The following XPO6 variants were observed in gnomAD, a reference collection of about 807,000 sequenced individuals.
The protein encoded by XPO6 is exportin-6.
Under a neutral mutation model 130.0 loss-of-function variants are expected in XPO6, and 3 were observed. That is an observed-to-expected ratio of 0.02 (90% CI 0.01 to 0.06). The LOEUF (loss-of-function observed/expected upper bound fraction) is 0.06, where lower values mean the gene tolerates loss of function less well. XPO6 is among the 10% of genes least tolerant of loss of function. The probability of loss-of-function intolerance (pLI) is 1.00; values close to 1 mark genes in which losing one functional copy is unlikely to be tolerated. For missense variants in XPO6, 970 were observed against 1,393.0 expected, an observed-to-expected ratio of 0.70 and a Z score of 4.83; for synonymous variants, 524 against 548.9, an observed-to-expected ratio of 0.95 and a Z score of 0.63.
chr16:28,156,679 C>T, intron 6 of XPO6, 152 bp from the exon 7 acceptor site: 1 of 463,850 alleles, frequency 2.2e-6, no homozygotes, highest in Non-Finnish European at 3.5e-6. Flanking sequence ...TCTATATGCT[C>T]AAAGTTAAAC....
At position 28,121,782 on chromosome 16, in the gene XPO6, T is replaced by G. The variant is rs201507990; in HGVS notation, c.1767-20A>C. 1,054 of 1,545,386 alleles carry G rather than the reference T, an allele frequency of 6.8e-4. No homozygotes were observed. The highest frequency in any genetic ancestry group is 9.1e-4 in the Non-Finnish European group (1,022 of 1,118,078). ...ACCAACCTGTTGGCAAAGAGGCAGG[T>G]AAACAAGAACATTCAGCTTATGAAC... On this transcript the variant is annotated intron_variant, in intron 13 of 23. Coordinates refer to ENST00000304658, the MANE Select transcript of XPO6 (RefSeq NM_015171.4).
rs1039247715 is a variant in XPO6, at chr16:28,111,712, C to A, written c.2341+105G>T. The stretch of plus-strand genomic sequence containing the variant: ...TGCTCAGCCTCTGTGGGACTATGAA[C>A]AAAAAAAATTTACCTCAGGAGCCTC... On this transcript the variant is annotated intron_variant, in intron 17 of 23. Transcript: ENST00000304658. 6.7e-6 allele frequency: 9 copies of A among 1,352,362 alleles called. No individual in the cohort carries two copies. The African/African-American group carries it at 1.0e-4, about 15-fold the overall frequency. The allele number at this position is 1,352,362 out of a possible 1,614,324, so 83.8% of individuals were successfully genotyped here. A position where few individuals can be genotyped will look rare whatever the true frequency, so the allele number is the denominator to read the frequency against.
chr16:28,166,428 G>A (rs1300953339), intron 6 of XPO6, 80 bp downstream of exon 6: 1 of 1,470,186 alleles, frequency 6.8e-7, no homozygotes, highest in African/African-American at 1.4e-5. Context: ...TCAGTACTGA[G>A]GACTACAGTT....
intron 1 of XPO6, among the ~76,000 whole-genome samples, chr16:28,206,391 A>T (rs1364118837): frequency 6.6e-6 from 1 of 151,966 alleles, no homozygotes; most frequent in East Asian, 1.9e-4. Context: ...AAATAAAAAT[A>T]AAAAAATTAG....
At chr16:28,117,200 G>T in intron 15 of XPO6, 118 bp downstream of exon 15, 3 of 1,323,760 alleles carry the variant, frequency 2.3e-6, no homozygotes, top group Non-Finnish European at 3.1e-6. Context: ...ATGTATAACA[G>T]CAGAAAGATT....
chr16:28,163,972 C>T (rs532128192), intron 6 of XPO6, among the ~76,000 whole-genome samples: 264 of 152,230 alleles, frequency 1.7e-3, no homozygotes, highest in South Asian at 5.4e-3. Context: ...GTTAAGGTAA[C>T]AATTTGGGGG....
At position 28,104,533 on chromosome 16, in the gene XPO6, G is replaced by GC. The variant is rs780949864; in HGVS notation, c.2946+12dup. 1 of 1,613,700 alleles carries GC rather than the reference G, an allele frequency of 6.2e-7. No individual in the cohort carries two copies. Among genetic ancestry groups the GC allele is most frequent in the South Asian group, 1.1e-5 (1 of 91,058 alleles). The stretch of plus-strand genomic sequence containing the variant: ...GAGGAAGTCACCTGGCAGCAACCCC[G>GC]CCCCCACGTTACCTGCATGATGGCA... On this transcript the variant is annotated intron_variant, in intron 21 of 23. Coordinates refer to ENST00000304658, the MANE Select transcript of XPO6 (RefSeq NM_015171.4).
At chr16:28,134,035 A>T (rs901662775) in intron 10 of XPO6, 102 bp from the exon 11 acceptor site, 12 of 1,167,060 alleles carry the variant, frequency 1.0e-5, no homozygotes, top group African/African-American at 1.5e-5. Context: ...GAAATGGAAA[A>T]TGATGGAACC....
At position 28,195,551 on chromosome 16, in the gene XPO6, G is replaced by A. The variant is rs888651802; in HGVS notation, c.4-14520C>T. 8.1e-4 allele frequency among the ~76,000 whole-genome samples: 124 copies of A among 152,254 alleles called. 3 individuals are homozygous for A. The highest frequency in any genetic ancestry group is 8.1e-3 in the Admixed American group (124 of 15,286). Reference sequence around the variant, plus strand: ...GCGGACCACTTGAGGTCAGGAGTTAGAGACCAGCCTGGTCAACATGGTGAA... The same window carrying A: ...GCGGACCACTTGAGGTCAGGAGTTAAAGACCAGCCTGGTCAACATGGTGAA... On this transcript the variant is annotated intron_variant, in intron 1 of 23. Coordinates refer to ENST00000304658, the MANE Select transcript of XPO6 (RefSeq NM_015171.4).
intron 17 of XPO6, among the ~76,000 whole-genome samples, chr16:28,110,822 A>G (rs2086901048): frequency 6.6e-6 from 1 of 152,268 alleles, no homozygotes; most frequent in Non-Finnish European, 1.5e-5. Flanking sequence ...CCAACACCAG[A>G]CTTTGAAAGT....
chr16:28,105,665 T>C (rs2086759529), intron 20 of XPO6: 2 of 174,150 alleles, frequency 1.1e-5, no homozygotes, highest in African/African-American at 4.7e-5. Flanking sequence ...ACTGAAAGGT[T>C]TGTTTGAATG....
At chr16:28,122,532 T>C (rs183627190) in intron 13 of XPO6, among the ~76,000 whole-genome samples, 1 of 152,110 alleles carries the variant, frequency 6.6e-6, no homozygotes, top group East Asian at 1.9e-4. Flanking sequence ...GGAGGACTGC[T>C]TGAGCCCAGG....
chr16:28,106,535 C>T lies in XPO6; in HGVS notation c.2498-38G>A, dbSNP rs376563434. The T allele has an allele frequency of 3.9e-6, 6 of 1,556,044 alleles. No homozygotes were observed. Among genetic ancestry groups the T allele is most frequent in the Non-Finnish European group, 5.3e-6 (6 of 1,129,072 alleles). On this transcript the variant is annotated intron_variant, in intron 18 of 23. Transcript: ENST00000304658. The surrounding 1 kb of genome is among the most constrained non-coding windows in gnomAD (Gnocchi z 4.2). Reference sequence around the variant, plus strand: ...GCAGAGATATCGTCAGAGGCTTGCACACAGTGAGAACCAGAACCCTGGGCT... The same window carrying T: ...GCAGAGATATCGTCAGAGGCTTGCATACAGTGAGAACCAGAACCCTGGGCT...
intron 1 of XPO6, among the ~76,000 whole-genome samples, chr16:28,203,962 C>T (rs2043988337): frequency 6.6e-6 from 1 of 152,196 alleles, no homozygotes; most frequent in South Asian, 2.1e-4. Flanking sequence ...CCTCCATCAT[C>T]TAGCCACAAA....
At chr16:28,104,484 G>T in intron 21 of XPO6, 62 bp downstream of exon 21, 1 of 1,584,226 alleles carries the variant, frequency 6.3e-7, no homozygotes, top group Non-Finnish European at 8.6e-7. Flanking sequence ...TTCGAAGACA[G>T]GACTCGCTGC....
At chr16:28,183,571 T>A (rs546967566) in intron 1 of XPO6, 46 of 152,348 alleles carry the variant, frequency 3.0e-4, no homozygotes, top group Non-Finnish European at 5.7e-4. Context: ...TTTTTAATCA[T>A]TTCTATATCT....
intron 9 of XPO6, among the ~76,000 whole-genome samples, chr16:28,144,070 T>C (rs1015242983): frequency 5.9e-5 from 9 of 152,240 alleles, no homozygotes; most frequent in East Asian, 5.8e-4. Flanking sequence ...CAAAAAGATA[T>C]GCCTATTTAG....
At chr16:28,104,288 C>T (rs1398764111) in intron 21 of XPO6, among the ~76,000 whole-genome samples, 2 of 152,200 alleles carry the variant, frequency 1.3e-5, no homozygotes, top group East Asian at 1.9e-4. Context: ...GCGGAACTGA[C>T]GTTTATCAAG....
At chr16:28,177,382 T>C in intron 2 of XPO6, 50 bp from the exon 3 acceptor site, 1 of 1,081,534 alleles carries the variant, frequency 9.2e-7, no homozygotes, top group East Asian at 2.4e-5. Context: ...TACATGAAAT[T>C]AGACAAGACT....
Sources: gnomAD v4.1 joint callset for allele counts (sites outside exome capture counted in the v4.1 genomes callset) on GRCh38, gnomAD v4.1.1 for gene constraint, Gnocchi (gnomAD v3.1) non-coding constraint, MANE v1.5 for transcripts, NCBI Gene and HGNC (gene_info 2026-07-23, HGNC 2026-07-21) for gene names.